GPATCH2: variants seen among roughly 807,000 people sequenced by gnomAD.
GPATCH2 encodes G patch domain-containing protein 2.
In GPATCH2, 51 loss-of-function variants were observed where a neutral mutation model predicts 58.0. The ratio of observed to expected loss-of-function variants is 0.88; its 90% CI spans 0.70 to 1.11. The LOEUF (loss-of-function observed/expected upper bound fraction) is 1.11, where lower values mean the gene tolerates loss of function less well. GPATCH2 is among the 50% of genes most tolerant of loss of function. The probability of loss-of-function intolerance (pLI) is 0.00; values close to 1 mark genes in which losing one functional copy is unlikely to be tolerated. For missense variants in GPATCH2, 625 were observed against 652.2 expected (o/e 0.96, Z 0.45); for synonymous variants, 222 against 218.5 (o/e 1.02, Z -0.14).
intron 8 of GPATCH2, among the ~76,000 whole-genome samples, chr1:217,465,109 C>T (rs1027153960): frequency 2.2e-4 from 33 of 151,610 alleles, no homozygotes; most frequent in Non-Finnish European, 2.9e-4. Context: ...GGAAAAAAAT[C>T]ATTTCAGAAA....
chr1:217,599,460 C>T (rs1036834331), intron 5 of GPATCH2, among the ~76,000 whole-genome samples: 2 of 152,162 alleles, frequency 1.3e-5, no homozygotes, highest in African/African-American at 4.8e-5. Context: ...TCAGACTTGT[C>T]TAGATGTGGC....
chr1:217,601,936 C>T (rs1056562572), intron 5 of GPATCH2, among the ~76,000 whole-genome samples: 1 of 152,080 alleles, frequency 6.6e-6, no homozygotes, highest in African/African-American at 2.4e-5. Flanking sequence ...CTGGTATTAC[C>T]TAGTATCAAA....
At chr1:217,506,361 A>G (rs1439158694) in intron 6 of GPATCH2, among the ~76,000 whole-genome samples, 5 of 152,190 alleles carry the variant, frequency 3.3e-5, no homozygotes, top group Admixed American at 3.3e-4. Context: ...ACTATACACG[A>G]GAGAGGAGGG....
At chr1:217,539,658 T>C (rs1049321689) in intron 5 of GPATCH2, among the ~76,000 whole-genome samples, 1 of 152,220 alleles carries the variant, frequency 6.6e-6, no homozygotes, top group Non-Finnish European at 1.5e-5. Flanking sequence ...ATCAGTTCTT[T>C]TGATCTTTAT....
intron 4 of GPATCH2, 71 bp downstream of exon 4, chr1:217,610,818 T>C (rs1394402172): frequency 9.5e-7 from 1 of 1,056,466 alleles, no homozygotes; most frequent in African/African-American, 1.6e-5. Context: ...CTTTATCTTA[T>C]CCTCCTTGAA....
chr1:217,580,767 G>A lies in GPATCH2; in HGVS notation c.1098+29554C>T. Among the ~76,000 whole-genome samples the A allele has an allele frequency of 5.1e-5, 2 of 39,150 alleles. 1 individual carries two copies. The highest frequency in any genetic ancestry group is 7.1e-4 in the Admixed American group (2 of 2,824). The allele number at this position is 39,150 out of a possible 152,430, so 25.7% of individuals were successfully genotyped here. A position where few individuals can be genotyped will look rare whatever the true frequency, so the allele number is the denominator to read the frequency against. On this transcript the variant is annotated intron_variant, in intron 5 of 9. Transcript: ENST00000366935. ...GAATCTCCTGTAATCCCAGCACTTT[G>A]GGAGGCCGAGGCGGGTGGATCATGA...
At chr1:217,585,360 C>T (rs186582112) in intron 5 of GPATCH2, among the ~76,000 whole-genome samples, 303 of 152,250 alleles carry the variant, frequency 2.0e-3, no homozygotes, top group Non-Finnish European at 3.9e-3. Flanking sequence ...CGGTGGCTCA[C>T]GCCTATAATC....
intron 4 of GPATCH2, 91 bp downstream of exon 4, chr1:217,610,798 C>T: frequency 1.2e-6 from 1 of 863,960 alleles, no homozygotes; most frequent in Non-Finnish European, 1.8e-6. Flanking sequence ...TTTACATTCT[C>T]TAATTTCCAC....
At chr1:217,500,136 T>A (rs1364439168) in intron 6 of GPATCH2, among the ~76,000 whole-genome samples, 2 of 152,166 alleles carry the variant, frequency 1.3e-5, no homozygotes, top group African/African-American at 4.8e-5. Flanking sequence ...AAGTTGATAT[T>A]TGTCTTGTTT....
At chr1:217,563,706 TAC>T (rs1192641401) in intron 5 of GPATCH2, among the ~76,000 whole-genome samples, 16 of 152,152 alleles carry the variant, frequency 1.1e-4, no homozygotes, top group Admixed American at 9.8e-4. Flanking sequence ...TATCTCTAAC[TAC>T]AGTTATATAG....
intron 5 of GPATCH2, among the ~76,000 whole-genome samples, chr1:217,548,906 A>G (rs191854761): frequency 1.3e-5 from 2 of 152,194 alleles, no homozygotes; most frequent in Non-Finnish European, 2.9e-5. Flanking sequence ...TTCTTATAGT[A>G]TACCCAGTCT....
chr1:217,522,587 T>C (rs1445040082), intron 5 of GPATCH2, among the ~76,000 whole-genome samples: 1 of 152,226 alleles, frequency 6.6e-6, no homozygotes, highest in African/African-American at 2.4e-5. Flanking sequence ...AAATCCACTG[T>C]GCCTAAAGAT....
chr1:217,609,876 T>G, intron 5 of GPATCH2: 1 of 1,051,298 alleles, frequency 9.5e-7, no homozygotes. Context: ...CATAAATGGA[T>G]TCAATGTAAA....
chr1:217,486,193 A>G (rs1661446893), intron 8 of GPATCH2, among the ~76,000 whole-genome samples: 1 of 152,120 alleles, frequency 6.6e-6, no homozygotes, highest in South Asian at 2.1e-4. Flanking sequence ...AGATCTTAAG[A>G]CCTAAATAAA....
intron 8 of GPATCH2, among the ~76,000 whole-genome samples, chr1:217,467,497 T>A (rs1233270185): frequency 6.6e-6 from 1 of 152,176 alleles, no homozygotes; most frequent in African/African-American, 2.4e-5. Context: ...GTGATTATTT[T>A]ACTGGTAGTG....
chr1:217,493,352 C>G (rs1461082495), intron 7 of GPATCH2, among the ~76,000 whole-genome samples: 1 of 152,122 alleles, frequency 6.6e-6, no homozygotes, highest in African/African-American at 2.4e-5. Flanking sequence ...CCAACCTAAC[C>G]TTCTTTCTTC....
At chr1:217,620,546 C>G (rs533188894) in intron 1 of GPATCH2, 47 bp from the exon 2 acceptor site, 2 of 1,047,022 alleles carry the variant, frequency 1.9e-6, no homozygotes, top group African/African-American at 1.6e-5. Context: ...GTCTTAACCA[C>G]AGTAACCTCA....
chr1:217,624,258 C>G (rs912899132), intron 1 of GPATCH2, among the ~76,000 whole-genome samples: 1 of 152,220 alleles, frequency 6.6e-6, no homozygotes, highest in Non-Finnish European at 1.5e-5. Context: ...TGTCTCACGC[C>G]TGTAATCCCA....
At chr1:217,536,245 C>T (rs189582829) in intron 5 of GPATCH2, among the ~76,000 whole-genome samples, 38 of 152,250 alleles carry the variant, frequency 2.5e-4, no homozygotes, top group Non-Finnish European at 5.0e-4. Context: ...TTAATTAACT[C>T]ACTCTGTGCC....
Sources: allele counts gnomAD v4.1 joint callset (sites outside exome capture counted in the v4.1 genomes callset), GRCh38; gene constraint gnomAD v4.1.1; transcripts MANE v1.5; gene names NCBI Gene and HGNC (gene_info 2026-07-23, HGNC 2026-07-21).